The following KIRREL3 variants were observed in gnomAD, a reference collection of about 807,000 sequenced individuals.
KIRREL3 encodes the protein kirre like nephrin family adhesion molecule 3, also known as kin of IRRE-like protein 3.
KIRREL3 carries 36 observed loss-of-function variants against 89.7 expected under a neutral mutation model. The observed-to-expected ratio is 0.40, with a 90% confidence interval of 0.31 to 0.53. The LOEUF (loss-of-function observed/expected upper bound fraction) is 0.53. Among genes scored for constraint, KIRREL3 ranks in the 20% least tolerant of loss-of-function variants. KIRREL3 has a pLI of 0.49. For missense variants in KIRREL3, 864 were observed against 1,056.6 expected, an observed-to-expected ratio of 0.82 and a Z score of 2.53; for synonymous variants, 445 against 441.4, an observed-to-expected ratio of 1.01 and a Z score of -0.10.
intron 4 of KIRREL3, among the ~76,000 whole-genome samples, chr11:126,482,492 AC>A (rs1283111254): frequency 1.3e-5 from 2 of 152,214 alleles, no homozygotes; most frequent in Non-Finnish European, 1.5e-5. Context: ...AAATAACAAA[AC>A]CAGATTCACT....
In KIRREL3 at chr11:126,892,609, C is replaced by T. The variant is rs763395793; in HGVS notation, c.55+107846G>A. On this transcript the variant is annotated intron_variant, in intron 1 of 16. Transcript: ENST00000525144. The surrounding 1 kb of genome is among the most constrained non-coding windows in gnomAD (Gnocchi z 5.4). ...CTGTGCACGTGTGTGTGCATGTGCA[C>T]GTGTGTATGTATTATGTGTGTGTGT... Among the ~76,000 whole-genome samples, 5 of 152,136 alleles carry T rather than the reference C, an allele frequency of 3.3e-5. No homozygotes were observed. Among genetic ancestry groups the T allele is most frequent in the African/African-American group, 4.8e-5 (2 of 41,432 alleles).
At chr11:126,583,486 C>G (rs1180759562) in intron 1 of KIRREL3, among the ~76,000 whole-genome samples, 1 of 152,202 alleles carries the variant, frequency 6.6e-6, no homozygotes, top group Non-Finnish European at 1.5e-5. Context: ...AGGAGCTTCT[C>G]TGTTCACATA....
chr11:126,565,948 G>A lies in KIRREL3; in HGVS notation c.56-3036C>T, dbSNP rs928927161. Among the ~76,000 whole-genome samples the A allele has an allele frequency of 1.3e-5, 2 of 152,184 alleles. No homozygotes were observed. The highest frequency in any genetic ancestry group is 2.9e-5 in the Non-Finnish European group (2 of 68,046). The stretch of plus-strand genomic sequence containing the variant: ...AAAGAACAGGAATCTCTCTCTTTGT[G>A]AGGTAGATCAGCCACCACCAGACTG... On this transcript the variant is annotated intron_variant, in intron 1 of 16. Coordinates refer to ENST00000525144, the MANE Select transcript of KIRREL3 (RefSeq NM_032531.4). This position sits in a 1 kb window ranked among gnomAD's most constrained non-coding sequence, Gnocchi z 5.4.
rs1482772913 is a variant in KIRREL3 at position 126,740,129 on chromosome 11, C to T, written c.56-177217G>A. Reference sequence around the variant, plus strand: ...AGTTCAAATTGTGTTTTTTTCTTCCCTCCTTCTTTTATTTAAGTCATTGCT... The same window carrying T: ...AGTTCAAATTGTGTTTTTTTCTTCCTTCCTTCTTTTATTTAAGTCATTGCT... On this transcript the variant is annotated intron_variant, in intron 1 of 16. Coordinates refer to ENST00000525144, the MANE Select transcript of KIRREL3 (RefSeq NM_032531.4). This position sits in a 1 kb window ranked among gnomAD's most constrained non-coding sequence, Gnocchi z 6.0. 6.6e-6 allele frequency among the ~76,000 whole-genome samples: 1 copy of T among 151,976 alleles called. No individual in the cohort carries two copies. Among genetic ancestry groups the T allele is most frequent in the Admixed American group, 6.6e-5 (1 of 15,266 alleles).
chr11:126,570,872 A>G lies in KIRREL3; in HGVS notation c.56-7960T>C, dbSNP rs772074594. On this transcript the variant is annotated intron_variant, in intron 1 of 16. Coordinates refer to ENST00000525144, the MANE Select transcript of KIRREL3 (RefSeq NM_032531.4). The surrounding 1 kb of genome is among the most constrained non-coding windows in gnomAD (Gnocchi z 6.1). The stretch of plus-strand genomic sequence containing the variant: ...TCTGCTCACTGGCTTAAGTCTGTAC[A>G]TCTCAGGTGGGAAAAAAGACAGCAG... Among the ~76,000 whole-genome samples, 3 of 152,188 alleles carry G rather than the reference A, an allele frequency of 2.0e-5. No individual in the cohort carries two copies. The highest frequency in any genetic ancestry group is 7.2e-5 in the African/African-American group (3 of 41,444).
In KIRREL3 at chr11:126,913,294, C is replaced by A. The variant is rs149744072; in HGVS notation, c.55+87161G>T. ...TGGCAGTATTATTTAGGGAAATGAG[C>A]AGCTCACTGGATGAGTCCATTGTTC... On this transcript the variant is annotated intron_variant, in intron 1 of 16. Coordinates refer to ENST00000525144, the MANE Select transcript of KIRREL3 (RefSeq NM_032531.4). 3.3e-5 allele frequency among the ~76,000 whole-genome samples: 5 copies of A among 152,358 alleles called. No homozygotes were observed. The East Asian group carries it at 9.6e-4, about 29-fold the overall frequency.
Position 126,709,582 on chromosome 11 carries a change from C to T in KIRREL3, c.56-146670G>A, listed in dbSNP as rs563705371. On this transcript the variant is annotated intron_variant, in intron 1 of 16. Coordinates refer to ENST00000525144, the MANE Select transcript of KIRREL3 (RefSeq NM_032531.4). This position sits in a 1 kb window ranked among gnomAD's most constrained non-coding sequence, Gnocchi z 4.0. ...AAGTTAAAATGAGGTCATTAGGGTG[C>T]GTCCTAATCCTGCATGACTGGTGTC... Among the ~76,000 whole-genome samples the T allele has an allele frequency of 1.2e-4, 18 of 152,172 alleles. No homozygotes were observed. The highest frequency in any genetic ancestry group is 4.2e-4 in the South Asian group (2 of 4,810).
In KIRREL3 at chr11:126,689,345, A is replaced by T. The variant is rs563451519; in HGVS notation, c.56-126433T>A. Among the ~76,000 whole-genome samples the T allele has an allele frequency of 1.3e-5, 2 of 152,330 alleles. No individual in the cohort carries two copies. Among genetic ancestry groups the T allele is most frequent in the African/African-American group, 4.8e-5 (2 of 41,576 alleles). ...CTTGGAAGATGAGGCTGACCAGGCC[A>T]TGGAGCTGCCCAGACCCCCTGGGAG... On this transcript the variant is annotated intron_variant, in intron 1 of 16. Coordinates refer to ENST00000525144, the MANE Select transcript of KIRREL3 (RefSeq NM_032531.4). The surrounding 1 kb of genome is among the most constrained non-coding windows in gnomAD (Gnocchi z 5.2).
rs1946988952 is a variant in KIRREL3, at chr11:126,694,072, C to T, written c.56-131160G>A. Among the ~76,000 whole-genome samples the T allele has an allele frequency of 6.6e-6, 1 of 152,248 alleles. No homozygotes were observed. Among genetic ancestry groups the T allele is most frequent in the Admixed American group, 6.5e-5 (1 of 15,292 alleles). ...ACAGCTCACAGTCACACTAGGACAA[C>T]TTGGAAGTTGAATTGGCAAGTTGCA... On this transcript the variant is annotated intron_variant, in intron 1 of 16. Transcript: ENST00000525144. This position sits in a 1 kb window ranked among gnomAD's most constrained non-coding sequence, Gnocchi z 4.4.
At chr11:126,447,542 T>C (rs1312802631) in intron 8 of KIRREL3, among the ~76,000 whole-genome samples, 2 of 152,218 alleles carry the variant, frequency 1.3e-5, no homozygotes, top group Non-Finnish European at 2.9e-5. Flanking sequence ...GTCACGCCCA[T>C]TGCAGTGGAG....
chr11:126,478,462 C>T (rs903221392), intron 4 of KIRREL3, among the ~76,000 whole-genome samples: 3 of 151,878 alleles, frequency 2.0e-5, no homozygotes, highest in East Asian at 1.9e-4. Context: ...GCCGGGGGGA[C>T]GGTTATCATG....
chr11:126,644,435 G>A (rs1197382357), intron 1 of KIRREL3, among the ~76,000 whole-genome samples: 2 of 152,228 alleles, frequency 1.3e-5, no homozygotes, highest in Non-Finnish European at 2.9e-5. Context: ...TGAATGTTCA[G>A]TAGTTTTGAG....
At chr11:126,717,762 C>T (rs1948022520) in intron 1 of KIRREL3, among the ~76,000 whole-genome samples, 1 of 152,214 alleles carries the variant, frequency 6.6e-6, no homozygotes. Context: ...TTATTTTCTG[C>T]CGAGCCTCAG....
chr11:126,487,206 G>T (rs1438108833), intron 4 of KIRREL3, among the ~76,000 whole-genome samples: 1 of 152,158 alleles, frequency 6.6e-6, no homozygotes, highest in Non-Finnish European at 1.5e-5. Flanking sequence ...TCCATATCTT[G>T]GTTGGTTACA....
chr11:126,521,964 G>C lies in KIRREL3; in HGVS notation c.284-500C>G, dbSNP rs2134431767. 6.6e-6 allele frequency among the ~76,000 whole-genome samples: 1 copy of C among 152,144 alleles called. No homozygotes were observed. Among genetic ancestry groups the C allele is most frequent in the East Asian group, 1.9e-4 (1 of 5,164 alleles). ...TCACTATGTCACCCTGACTGGTCTT[G>C]AACTCCTGGACTTAGGCGGTTCTCC... On this transcript the variant is annotated intron_variant, in intron 3 of 16. Coordinates refer to ENST00000525144, the MANE Select transcript of KIRREL3 (RefSeq NM_032531.4). The surrounding 1 kb of genome is among the most constrained non-coding windows in gnomAD (Gnocchi z 4.1).
intron 1 of KIRREL3, among the ~76,000 whole-genome samples, chr11:126,920,943 G>A (rs1431312622): frequency 2.0e-5 from 3 of 152,196 alleles, no homozygotes; most frequent in Non-Finnish European, 4.4e-5. Flanking sequence ...TGAATTATGC[G>A]ATACCCAGAT....
rs1166595602 is a variant in KIRREL3, at chr11:126,918,562, T to C, written c.55+81893A>G. 6.6e-6 allele frequency among the ~76,000 whole-genome samples: 1 copy of C among 152,214 alleles called. No individual in the cohort carries two copies. Among genetic ancestry groups the C allele is most frequent in the African/African-American group, 2.4e-5 (1 of 41,460 alleles). On this transcript the variant is annotated intron_variant, in intron 1 of 16. Coordinates refer to ENST00000525144, the MANE Select transcript of KIRREL3 (RefSeq NM_032531.4). This position sits in a 1 kb window ranked among gnomAD's most constrained non-coding sequence, Gnocchi z 6.5. ...ATAAACATTCTTCACCATCATCCACTCATGACATAGGTTAGGTACATTTAC... is the reference window on the plus strand; with the variant it reads ...ATAAACATTCTTCACCATCATCCACCCATGACATAGGTTAGGTACATTTAC...
In KIRREL3 at chr11:126,948,271, G is replaced by C. The variant is rs1319386890; in HGVS notation, c.55+52184C>G. Among the ~76,000 whole-genome samples the C allele has an allele frequency of 2.0e-5, 3 of 151,248 alleles. No homozygotes were observed. The highest frequency in any genetic ancestry group is 7.3e-5 in the African/African-American group (3 of 41,296). On this transcript the variant is annotated intron_variant, in intron 1 of 16. Coordinates refer to ENST00000525144, the MANE Select transcript of KIRREL3 (RefSeq NM_032531.4). This position sits in a 1 kb window ranked among gnomAD's most constrained non-coding sequence, Gnocchi z 4.5. The stretch of plus-strand genomic sequence containing the variant: ...ATTGTACTTGATAATGAAAAAGTTG[G>C]TCAAATTTCAAGAATAGCATAAAAA...
At position 126,764,696 on chromosome 11, in the gene KIRREL3, T is replaced by C. The variant is rs1376687627; in HGVS notation, c.56-201784A>G. ...GTGCAAACTCTCTCAGTGTAGGCTC[T>C]GAATGCTGCTTTTATGTTATTGCAC... On this transcript the variant is annotated intron_variant, in intron 1 of 16. Transcript: ENST00000525144. The surrounding 1 kb of genome is among the most constrained non-coding windows in gnomAD (Gnocchi z 4.2). Among the ~76,000 whole-genome samples the C allele has an allele frequency of 6.6e-6, 1 of 152,198 alleles. No individual in the cohort carries two copies. The highest frequency in any genetic ancestry group is 1.5e-5 in the Non-Finnish European group (1 of 68,040).
Sources: gnomAD v4.1 joint callset for allele counts (sites outside exome capture counted in the v4.1 genomes callset) on GRCh38, gnomAD v4.1.1 for gene constraint, Gnocchi (gnomAD v3.1) non-coding constraint, MANE v1.5 for transcripts, NCBI Gene and HGNC (gene_info 2026-07-23, HGNC 2026-07-21) for gene names.